The following CTSC variants were observed in gnomAD, a reference collection of about 807,000 sequenced individuals.
The protein encoded by CTSC is cathepsin C.
In CTSC, 37 loss-of-function variants were observed where a neutral mutation model predicts 40.9. The observed-to-expected ratio is 0.91, with a 90% CI of 0.70 to 1.19. CTSC has a LOEUF of 1.19. Among genes scored for constraint, CTSC ranks in the 50% most tolerant of loss-of-function variants. The pLI, the probability that CTSC is intolerant of heterozygous loss-of-function variation, is 0.00. For synonymous variants in CTSC, 232 were observed against 207.4 expected, an observed-to-expected ratio of 1.12 and a Z score of -1.02; for missense variants, 594 against 567.3, an observed-to-expected ratio of 1.05 and a Z score of -0.48.
intron 4 of CTSC, among the ~76,000 whole-genome samples, chr11:88,306,309 T>C (rs1273692033): frequency 6.6e-6 from 1 of 152,020 alleles, no homozygotes; most frequent in Non-Finnish European, 1.5e-5. Flanking sequence ...GACAGGGAAA[T>C]ACTGGGTAGA....
chr11:88,319,206 A>G (rs1364849369), intron 2 of CTSC, among the ~76,000 whole-genome samples: 1 of 152,224 alleles, frequency 6.6e-6, no homozygotes. Context: ...CTAATGATGC[A>G]AACATAAGAA....
chr11:88,297,389 C>CT (rs929286538), intron 5 of CTSC: 10 of 151,680 alleles, frequency 6.6e-5, no homozygotes, highest in South Asian at 2.1e-4. Flanking sequence ...AGTGAGGATA[C>CT]TTTTTTTTTC....
intron 2 of CTSC, among the ~76,000 whole-genome samples, chr11:88,318,935 TAATTA>T (rs1937937072): frequency 1.3e-5 from 2 of 151,978 alleles, no homozygotes; most frequent in African/African-American, 4.8e-5. Flanking sequence ...ATAAATAAAC[TAATTA>T]AATTGAAAAC....
intron 2 of CTSC, chr11:88,325,779 T>C (rs1938164483): frequency 1.0e-6 from 1 of 985,822 alleles, no homozygotes; most frequent in Non-Finnish European, 1.2e-6. Context: ...AGAAGTATAC[T>C]ATAGCAGTCT....
intron 4 of CTSC, among the ~76,000 whole-genome samples, chr11:88,301,013 A>T (rs1944354692): frequency 1.3e-5 from 2 of 152,190 alleles, no homozygotes; most frequent in South Asian, 4.1e-4. Flanking sequence ...GGTTTAGAGA[A>T]AACAGAGGAA....
At chr11:88,307,789 GAT>G (rs1188030831) in intron 4 of CTSC, among the ~76,000 whole-genome samples, 1 of 152,054 alleles carries the variant, frequency 6.6e-6, no homozygotes, top group Non-Finnish European at 1.5e-5. Context: ...GATGGGTTTG[GAT>G]ACCAGGCTAA....
intron 2 of CTSC, among the ~76,000 whole-genome samples, chr11:88,332,203 C>T (rs757508514): frequency 2.6e-5 from 4 of 152,108 alleles, no homozygotes; most frequent in Admixed American, 6.5e-5. Context: ...AGTATGTTTT[C>T]GTTTATGTAA....
chr11:88,294,582 G>T, intron 6 of CTSC, 74 bp from the exon 7 acceptor site: 4 of 1,539,334 alleles, frequency 2.6e-6, no homozygotes, highest in South Asian at 2.3e-5. Context: ...TTTCTTCTTT[G>T]CTCCATTATT....
intron 2 of CTSC, chr11:88,324,504 A>T: frequency 1.0e-6 from 1 of 982,708 alleles, no homozygotes; most frequent in Non-Finnish European, 1.2e-6. Context: ...GAATCCTACA[A>T]AATTAATTCT....
In CTSC at chr11:88,337,645, C is replaced by T. The variant is rs1938542279; in HGVS notation, c.28G>A (p.Ala10Thr). The change falls in exon 1 of 7, where the codon GCC becomes ACC. Residue 10 changes from alanine (A) to threonine (T), a missense_variant. Ala to Thr is a moderately conservative substitution (Grantham distance 58, BLOSUM62 0). Transcript: ENST00000227266. MGAGPSLLLAALLLLLSGDG... is the reference protein window; with the variant it reads MGAGPSLLLTALLLLLSGDG... ...CCGGAGAGAAGCAGCAGGAGGGCGG[C>T]GAGCAGCAAGGAGGGCCCAGCACCC... 1.9e-6 allele frequency: 3 copies of T among 1,583,378 alleles called. No homozygotes were observed. The highest frequency in any genetic ancestry group is 2.6e-6 in the Non-Finnish European group (3 of 1,164,252).
At chr11:88,302,600 CG>C (rs977509835) in intron 4 of CTSC, among the ~76,000 whole-genome samples, 1 of 134,536 alleles carries the variant, frequency 7.4e-6, no homozygotes, top group Non-Finnish European at 1.5e-5. Context: ...CACTCCAGCC[CG>C]GGTGACAGAG....
At chr11:88,300,007 C>T (rs1944340879) in intron 5 of CTSC, among the ~76,000 whole-genome samples, 2 of 152,190 alleles carry the variant, frequency 1.3e-5, no homozygotes, top group African/African-American at 4.8e-5. Context: ...TGGGTTAATA[C>T]TTACCATCAC....
chr11:88,306,497 C>G (rs1475771584), intron 4 of CTSC, among the ~76,000 whole-genome samples: 1 of 151,498 alleles, frequency 6.6e-6, no homozygotes, highest in Non-Finnish European at 1.5e-5. Context: ...AGCTGAACAT[C>G]CAGAGGAGCA....
In CTSC at chr11:88,300,544, G is replaced by C; in HGVS notation, c.743C>G (p.Pro248Arg). Residue 248 changes from proline (P) to arginine (R), a missense_variant, in exon 5 of 7, where the codon CCT becomes CGT. Coordinates refer to ENST00000227266, the MANE Select transcript of CTSC (RefSeq NM_001814.6). ...RNVHGINFVS[P>R]VRNQASCGSC... The stretch of plus-strand genomic sequence containing the variant: ...TATTTTTTTACCTTGGTTTCGAACA[G>C]GACTGACAAAATTGATACCATGAAC... The C allele has an allele frequency of 6.2e-7, 1 of 1,606,744 alleles. No individual in the cohort carries two copies. The highest frequency in any genetic ancestry group is 8.5e-7 in the Non-Finnish European group (1 of 1,173,294).
intron 2 of CTSC, chr11:88,326,293 A>G: frequency 1.2e-6 from 2 of 1,604,044 alleles, no homozygotes; most frequent in Admixed American, 3.4e-5. Context: ...CATGCAAATA[A>G]AGACTCCAGA....
chr11:88,335,899 G>C lies in CTSC; in HGVS notation c.173-817C>G, dbSNP rs1240376685. ...AAATGGGGTACCTTTCTCCTCAAAG[G>C]CTCTACAGTTTAGAACCTCATAATC... On this transcript the variant is annotated intron_variant, in intron 1 of 6. Transcript: ENST00000227266. Among the ~76,000 whole-genome samples, 7 of 152,230 alleles carry C rather than the reference G, an allele frequency of 4.6e-5. No individual in the cohort carries two copies. The South Asian group carries it at 1.5e-3, about 32-fold the overall frequency.
At chr11:88,312,609 G>C in intron 2 of CTSC, 55 bp from the exon 3 acceptor site, 1 of 1,599,512 alleles carries the variant, frequency 6.3e-7, no homozygotes, top group South Asian at 1.1e-5. Context: ...CAAATTTCAG[G>C]TCCATTTCCA....
intron 6 of CTSC, 147 bp downstream of exon 6, chr11:88,295,986 A>G (rs929412609): frequency 3.2e-5 from 27 of 832,214 alleles, no homozygotes; most frequent in Middle Eastern, 3.2e-4. Context: ...TCATCCATTA[A>G]TAAGTGATAG....
chr11:88,300,469 AGCAACT>A, intron 5 of CTSC, 55 bp downstream of exon 5: 1 of 1,007,372 alleles, frequency 9.9e-7, no homozygotes, highest in South Asian at 1.3e-5. Context: ...CATCACACAG[AGCAACT>A]GTTCAATAAA....
Sources: allele counts gnomAD v4.1 joint callset (sites outside exome capture counted in the v4.1 genomes callset), GRCh38; gene constraint gnomAD v4.1.1; transcripts MANE v1.5; gene names NCBI Gene and HGNC (gene_info 2026-07-23, HGNC 2026-07-21).